SLC35F2: variants seen among roughly 807,000 people sequenced by gnomAD.
SLC35F2 encodes the protein queuine/queuosine transporter SLC35F2.
SLC35F2 carries 25 observed loss-of-function variants against 38.1 expected under a neutral mutation model. That is an observed-to-expected ratio of 0.66 (90% confidence interval 0.48 to 0.92). SLC35F2 has a LOEUF of 0.92. SLC35F2 is among the 40% of genes least tolerant of loss of function. The pLI is 0.00. For synonymous variants in SLC35F2, 173 were observed against 181.7 expected, an observed-to-expected ratio of 0.95 and a Z score of 0.38; for missense variants, 409 against 452.9, an observed-to-expected ratio of 0.90 and a Z score of 0.88.
chr11:107,827,465 ATGGCTGGATGTGG>A (rs1338744527), intron 1 of SLC35F2, among the ~76,000 whole-genome samples: 1 of 151,800 alleles, frequency 6.6e-6, no homozygotes, highest in Non-Finnish European at 1.5e-5. Context: ...AAATACAAAA[ATGGCTGGATGTGG>A]TGGCTCACGC....
chr11:107,856,723 G>A lies in SLC35F2; in HGVS notation c.110+1935C>T, dbSNP rs557494415. ...AAGGAAGGTGACAGAATGAGACTCC[G>A]TCAGGAGGGAGGGAGGGAGGGAGAG... is the stretch of plus-strand genomic sequence containing the variant. On this transcript the variant is annotated intron_variant, in intron 1 of 7. Transcript: ENST00000525815. Among the ~76,000 whole-genome samples, 5 of 147,092 alleles carry A rather than the reference G, an allele frequency of 3.4e-5. No homozygotes were observed. In the South Asian group the frequency reaches 9.2e-4, roughly 27 times the overall value.
chr11:107,856,105 C>CAAAA (rs1229189240), intron 1 of SLC35F2, among the ~76,000 whole-genome samples: 2 of 95,624 alleles, frequency 2.1e-5, no homozygotes, highest in Non-Finnish European at 4.3e-5. Flanking sequence ...AACTCTGTCT[C>CAAAA]AAAAAAAAAA....
chr11:107,810,357 C>G, intron 3 of SLC35F2: 1 of 985,310 alleles, frequency 1.0e-6, no homozygotes. Flanking sequence ...TTCTGTTTAA[C>G]TGTGTTTAGG....
intron 6 of SLC35F2, chr11:107,803,455 C>A: frequency 2.0e-6 from 2 of 981,056 alleles, no homozygotes; most frequent in Non-Finnish European, 2.4e-6. Context: ...TTGCTATGCA[C>A]CCTGCCAGGA....
intron 1 of SLC35F2, among the ~76,000 whole-genome samples, chr11:107,831,987 T>G (rs547215247): frequency 5.9e-5 from 9 of 152,340 alleles, no homozygotes; most frequent in Non-Finnish European, 7.3e-5. Flanking sequence ...CTATACATTA[T>G]AACACCAGTT....
At chr11:107,808,471 A>G (rs1859430367) in intron 3 of SLC35F2, among the ~76,000 whole-genome samples, 1 of 152,222 alleles carries the variant, frequency 6.6e-6, no homozygotes, top group East Asian at 1.9e-4. Flanking sequence ...CAAGGAAGAA[A>G]TATATTCCTT....
intron 1 of SLC35F2, among the ~76,000 whole-genome samples, chr11:107,844,749 C>A (rs1255804801): frequency 6.6e-6 from 1 of 151,894 alleles, no homozygotes; most frequent in Non-Finnish European, 1.5e-5. Flanking sequence ...CCAAAGCGGG[C>A]GGATCACAAG....
chr11:107,851,707 A>G (rs1860189844), intron 1 of SLC35F2, among the ~76,000 whole-genome samples: 1 of 152,086 alleles, frequency 6.6e-6, no homozygotes, highest in Non-Finnish European at 1.5e-5. Context: ...AGAATATACA[A>G]TGGCCATAAC....
intron 1 of SLC35F2, among the ~76,000 whole-genome samples, chr11:107,841,835 C>T (rs958438709): frequency 5.3e-5 from 8 of 151,778 alleles, no homozygotes; most frequent in African/African-American, 1.5e-4. Context: ...AAGGCCGAGG[C>T]GAGCGGATCA....
At chr11:107,846,287 C>A (rs1020418593) in intron 1 of SLC35F2, among the ~76,000 whole-genome samples, 1 of 151,650 alleles carries the variant, frequency 6.6e-6, no homozygotes, top group African/African-American at 2.4e-5. Context: ...TCCATATCAA[C>A]GCCCATGAAC....
intron 1 of SLC35F2, among the ~76,000 whole-genome samples, chr11:107,831,777 A>T (rs942681204): frequency 3.3e-5 from 5 of 152,222 alleles, no homozygotes; most frequent in Non-Finnish European, 7.3e-5. Flanking sequence ...TACTTTCTCC[A>T]GAGACTGGTC....
At chr11:107,824,090 G>T in intron 1 of SLC35F2, 2 of 770,166 alleles carry the variant, frequency 2.6e-6, no homozygotes, top group Non-Finnish European at 3.2e-6. Flanking sequence ...AGCATGAGTA[G>T]CTTGCAATTG....
In SLC35F2 at chr11:107,792,672, G is replaced by A. The variant is rs1322393492; in HGVS notation, c.1068C>T (p.Asp356=). 4 of 1,613,740 alleles carry A rather than the reference G, an allele frequency of 2.5e-6. No individual in the cohort carries two copies. The East Asian group carries it at 6.7e-5, about 27-fold the overall frequency. The change falls in exon 8 of 8, where the codon GAC becomes GAT. Residue 356 remains aspartate (D), a synonymous_variant. Transcript: ENST00000525815. ...TCTCCTCCAGCTTCAGCCCCAGGTT[G>A]TCAATCCCAATGCTGGTGACTGGAG... The part of the protein sequence containing the change: ...SVPPVTSIGI[D]NLGLKLEENL...
intron 1 of SLC35F2, among the ~76,000 whole-genome samples, chr11:107,829,904 T>C (rs1168661016): frequency 1.3e-5 from 2 of 152,118 alleles, no homozygotes; most frequent in Non-Finnish European, 2.9e-5. Flanking sequence ...TTCACAGATA[T>C]TTTCACTTCG....
intron 1 of SLC35F2, among the ~76,000 whole-genome samples, chr11:107,840,432 C>A (rs1468660929): frequency 6.6e-6 from 1 of 152,170 alleles, no homozygotes; most frequent in Non-Finnish European, 1.5e-5. Context: ...ACACTGCCTG[C>A]CCATTGAGGC....
chr11:107,826,646 G>T (rs1343193540), intron 1 of SLC35F2, among the ~76,000 whole-genome samples: 3 of 152,040 alleles, frequency 2.0e-5, no homozygotes, highest in Non-Finnish European at 4.4e-5. Flanking sequence ...TGCCTTTGAG[G>T]CCATGTAAGT....
intron 1 of SLC35F2, among the ~76,000 whole-genome samples, chr11:107,840,948 CTA>C (rs1183688677): frequency 6.6e-6 from 1 of 152,046 alleles, no homozygotes; most frequent in East Asian, 1.9e-4. Context: ...AGGAGATTTC[CTA>C]TGAGTCATGT....
rs148886601 is a variant in SLC35F2 at position 107,817,168 on chromosome 11, C to T, written c.111-1203G>A. On this transcript the variant is annotated intron_variant, in intron 1 of 7. Transcript: ENST00000525815. ...GCAGGCGCCTGTAATCCCAGCTACT[C>T]GGGAGGCTGAGGCATGAGAATCACT... Among the ~76,000 whole-genome samples the T allele has an allele frequency of 4.0e-4, 60 of 151,770 alleles. 1 individual carries two copies. The highest frequency in any genetic ancestry group is 1.4e-3 in the African/African-American group (58 of 41,378).
chr11:107,852,228 G>T (rs554991111), intron 1 of SLC35F2, among the ~76,000 whole-genome samples: 3 of 152,078 alleles, frequency 2.0e-5, no homozygotes, highest in East Asian at 3.9e-4. Context: ...GACCAGCTCA[G>T]CCAACATGGT....
Sources: allele counts gnomAD v4.1 joint callset (sites outside exome capture counted in the v4.1 genomes callset), GRCh38; gene constraint gnomAD v4.1.1; transcripts MANE v1.5; gene names NCBI Gene and HGNC (gene_info 2026-07-23, HGNC 2026-07-21).